Variants in PRC1 observed in about 807,000 individuals in gnomAD.
The protein encoded by PRC1 is protein regulator of cytokinesis 1.
Under a neutral mutation model 91.2 loss-of-function variants are expected in PRC1, and 54 were observed. That is an observed-to-expected ratio of 0.59 (90% confidence interval 0.48 to 0.74). The LOEUF (loss-of-function observed/expected upper bound fraction) is 0.74, where lower values mean the gene tolerates loss of function less well. Ranked by LOEUF, PRC1 falls within the 30% of genes least tolerant of loss-of-function variation. The pLI, the probability that PRC1 is intolerant of heterozygous loss-of-function variation, is 0.00. For missense variants in PRC1, 727 were observed against 746.2 expected (o/e 0.97, Z 0.30); for synonymous variants, 275 against 263.6 (o/e 1.04, Z -0.42).
chr15:90,968,997 T>C, intron 14 of PRC1, 82 bp downstream of exon 14: 1 of 1,607,790 alleles, frequency 6.2e-7, no homozygotes, highest in Admixed American at 1.7e-5. Context: ...TATTAGTTAG[T>C]GTAGCCCTGT....
intron 3 of PRC1, 36 bp downstream of exon 3, chr15:90,983,982 G>A: frequency 6.2e-7 from 1 of 1,610,488 alleles, no homozygotes; most frequent in Non-Finnish European, 8.5e-7. Flanking sequence ...TCAGGCCCCA[G>A]ACAGATCACC....
chr15:90,991,103 G>T (rs2039955256), intron 1 of PRC1, among the ~76,000 whole-genome samples: 1 of 151,050 alleles, frequency 6.6e-6, no homozygotes, highest in African/African-American at 2.4e-5. Context: ...TTTGATTTGT[G>T]ACTTAATTGA....
chr15:90,973,645 G>A (rs553289767), intron 11 of PRC1, among the ~76,000 whole-genome samples: 1 of 152,284 alleles, frequency 6.6e-6, no homozygotes, highest in Non-Finnish European at 1.5e-5. Context: ...TTAGATAGGA[G>A]AAAACTGCCC....
chr15:90,983,880 C>T (rs2151562972), intron 3 of PRC1, 138 bp downstream of exon 3: 1 of 1,205,428 alleles, frequency 8.3e-7, no homozygotes, highest in Non-Finnish European at 1.1e-6. Context: ...TAATTAACTA[C>T]ACAGCATGTT....
intron 14 of PRC1, chr15:90,968,083 G>A: frequency 1.0e-6 from 1 of 985,420 alleles, no homozygotes; most frequent in South Asian, 4.7e-5. Flanking sequence ...GGTGCTGCCT[G>A]GTGGAGTCTA....
Position 90,970,479 on chromosome 15 carries a change from A to T in PRC1, c.1497T>A (p.Asn499Lys). ...NTTTMSNATANSSIRPIFGGT... is the reference protein window; with the variant it reads ...NTTTMSNATAKSSIRPIFGGT... Reference sequence around the variant, plus strand: ...CTCCAAAGATAGGCCGAATGCTACTATTGGCCGTAGCATTGGACATGGTGG... The same window carrying T: ...CTCCAAAGATAGGCCGAATGCTACTTTTGGCCGTAGCATTGGACATGGTGG... Residue 499 changes from asparagine to lysine, a missense_variant, in exon 12 of 15, where the codon AAT becomes AAA. Transcript: ENST00000394249. 1 of 1,613,704 alleles carries T rather than the reference A, an allele frequency of 6.2e-7. No homozygotes were observed. Among genetic ancestry groups the T allele is most frequent in the Non-Finnish European group, 8.5e-7 (1 of 1,179,656 alleles).
intron 12 of PRC1, 64 bp from the exon 13 acceptor site, chr15:90,969,687 T>G: frequency 7.1e-7 from 1 of 1,410,742 alleles, no homozygotes; most frequent in Non-Finnish European, 9.5e-7. Context: ...GCACACACAA[T>G]ACCTGCACTG....
At chr15:90,991,144 G>A (rs1420241401) in intron 1 of PRC1, among the ~76,000 whole-genome samples, 5 of 151,822 alleles carry the variant, frequency 3.3e-5, no homozygotes, top group Middle Eastern at 3.2e-3. Context: ...ATGGCCGGGC[G>A]CGGTGGCTCG....
At chr15:90,981,062 C>T (rs779491619) in intron 5 of PRC1, 29 bp from the exon 6 acceptor site, 21 of 1,612,618 alleles carry the variant, frequency 1.3e-5, no homozygotes, top group East Asian at 4.5e-5. Flanking sequence ...GTGTCACTCA[C>T]GGCAAAGCAG....
At chr15:90,993,603 CA>C (rs2040108637) in intron 1 of PRC1, among the ~76,000 whole-genome samples, 1 of 152,190 alleles carries the variant, frequency 6.6e-6, no homozygotes, top group Non-Finnish European at 1.5e-5. Flanking sequence ...TTGGAAGTCA[CA>C]AGGTTGGTAA....
rs188571663 is a variant in PRC1 at position 90,984,926 on chromosome 15, C to G, written c.12-101G>C. 19 of 1,447,716 alleles carry G rather than the reference C, an allele frequency of 1.3e-5. No homozygotes were observed. In the African/African-American group the frequency reaches 2.7e-4, roughly 21 times the overall value. 89.7% of individuals were successfully genotyped at this position (1,447,716 alleles called of 1,614,324 possible). On this transcript the variant is annotated intron_variant, in intron 1 of 14. Coordinates refer to ENST00000394249, the MANE Select transcript of PRC1 (RefSeq NM_003981.4). This position sits in a 1 kb window ranked among gnomAD's most constrained non-coding sequence, Gnocchi z 5.1. ...AAAAAGACTAGCTTCTCAGTGGCCT[C>G]GAGAAAAAAACAAATTGAAAACAAG...
intron 11 of PRC1, among the ~76,000 whole-genome samples, chr15:90,973,400 C>T (rs904938223): frequency 2.6e-5 from 4 of 152,212 alleles, no homozygotes; most frequent in African/African-American, 7.2e-5. Flanking sequence ...TGCGGAAAGC[C>T]GCAGGGACCT....
chr15:90,981,783 A>C lies in PRC1; in HGVS notation c.466T>G (p.Phe156Val), dbSNP rs1790281194. 1 of 1,613,738 alleles carries C rather than the reference A, an allele frequency of 6.2e-7. No individual in the cohort carries two copies. Among genetic ancestry groups the C allele is most frequent in the African/African-American group, 1.3e-5 (1 of 75,020 alleles). The part of the protein sequence containing the change: ...SVPSLEELNQ[F>V]RQHVTTLRET... The stretch of plus-strand genomic sequence containing the variant: ...CTCAAAGTTGTCACATGTTGCCTGA[A>C]CTGGTTCAGCTCTTCTAAGCTGGGC... Residue 156 changes from phenylalanine (F) to valine (V), a missense_variant, in exon 4 of 15, where the codon TTC becomes GTC. Phe to Val is a conservative substitution (Grantham distance 50). Transcript: ENST00000394249.
In PRC1 at chr15:90,967,043, T is replaced by C; in HGVS notation, c.*88A>G. ...ACCTGGCCAAGGTTTCAAGCACGCC[T>C]AAGCTGAAGAAAAACTAAAGTCACC... On this transcript the variant is annotated 3_prime_UTR_variant, in exon 15 of 15. Transcript: ENST00000394249. The C allele has an allele frequency of 8.1e-7, 1 of 1,229,742 alleles. No individual in the cohort carries two copies. The highest frequency in any genetic ancestry group is 1.2e-6 in the Non-Finnish European group (1 of 838,404). The allele number at this position is 1,229,742 out of a possible 1,614,324, so 76.2% of individuals were successfully genotyped here.
At chr15:90,970,644 G>A (rs976648651) in intron 11 of PRC1, 130 bp from the exon 12 acceptor site, 28 of 659,446 alleles carry the variant, frequency 4.2e-5, no homozygotes, top group African/African-American at 7.2e-5. Flanking sequence ...ATGGTGAAGG[G>A]CCTGCTGTGT....
chr15:90,978,180 T>G (rs1011543033), intron 8 of PRC1, among the ~76,000 whole-genome samples: 4 of 152,204 alleles, frequency 2.6e-5, no homozygotes, highest in Admixed American at 2.6e-4. Flanking sequence ...GAACCCACCA[T>G]GTTGCCTATC....
rs1171403937 is a variant in PRC1 at position 90,984,034 on chromosome 15, T to C, written c.251A>G (p.His84Arg). Residue 84 changes from histidine (H) to arginine (R), a missense_variant, in exon 3 of 15, where the codon CAT becomes CGT. By Grantham distance (29) the His-to-Arg change is conservative (BLOSUM62 0). Transcript: ENST00000394249. The surrounding 1 kb of genome is among the most constrained non-coding windows in gnomAD (Gnocchi z 5.1). Reference sequence around the variant, plus strand: ...GCCACGGACCTGAAATGGCTCAACATGTAACTCGCTGCACAGAGTGTTCAG... The same window carrying C: ...GCCACGGACCTGAAATGGCTCAACACGTAACTCGCTGCACAGAGTGTTCAG... ...KELNTLCSEL[H>R]VEPFQEEGET... The C allele has an allele frequency of 6.2e-7, 1 of 1,614,134 alleles. No individual in the cohort carries two copies. Among genetic ancestry groups the C allele is most frequent in the Non-Finnish European group, 8.5e-7 (1 of 1,179,986 alleles).
chr15:90,978,166 G>A (rs1367409449), intron 8 of PRC1, among the ~76,000 whole-genome samples: 1 of 152,184 alleles, frequency 6.6e-6, no homozygotes, highest in Non-Finnish European at 1.5e-5. Flanking sequence ...AAAATGCTCT[G>A]AAGGAACCCA....
At chr15:90,968,217 C>T (rs2037706565) in intron 14 of PRC1, 1 of 985,414 alleles carries the variant, frequency 1.0e-6, no homozygotes, top group Non-Finnish European at 1.2e-6. Flanking sequence ...AGCTGGACCT[C>T]TGTCCAGCAA....
Sources: allele counts gnomAD v4.1 joint callset (sites outside exome capture counted in the v4.1 genomes callset), GRCh38; gene constraint gnomAD v4.1.1; non-coding constraint Gnocchi (gnomAD v3.1); transcripts MANE v1.5; gene names NCBI Gene and HGNC (gene_info 2026-07-23, HGNC 2026-07-21).